STXBP4: variants seen among roughly 807,000 people sequenced by gnomAD.
The protein encoded by STXBP4 is syntaxin binding protein 4.
STXBP4 carries 55 observed loss-of-function variants against 76.1 expected under a neutral mutation model. The ratio of observed to expected loss-of-function variants is 0.72; its 90% CI spans 0.58 to 0.91. STXBP4 has a LOEUF of 0.91. Among genes scored for constraint, STXBP4 ranks in the 40% least tolerant of loss-of-function variants. STXBP4 has a pLI of 0.00. For missense variants in STXBP4, 618 were observed against 636.9 expected, an observed-to-expected ratio of 0.97 and a Z score of 0.32; for synonymous variants, 201 against 220.2, an observed-to-expected ratio of 0.91 and a Z score of 0.77.
chr17:55,074,158 A>G (rs1173286313), intron 13 of STXBP4, among the ~76,000 whole-genome samples: 1 of 152,240 alleles, frequency 6.6e-6, no homozygotes. Flanking sequence ...TGAATAATTT[A>G]TGACTATTTA....
intron 11 of STXBP4, chr17:55,044,658 A>G (rs2078759550): frequency 6.6e-6 from 1 of 152,104 alleles, no homozygotes; most frequent in African/African-American, 2.4e-5. Context: ...AAAAACAAAA[A>G]TAAATAAATA....
At chr17:55,200,851 T>A in the STXBP4 span, among the ~76,000 whole-genome samples, 1 of 152,234 alleles carries the variant, frequency 6.6e-6, no homozygotes, top group Non-Finnish European at 1.5e-5. Context: ...ATAGTGCATA[T>A]GTTAGAAACA....
chr17:55,142,097 C>T (rs1365220402), intron 17 of STXBP4, among the ~76,000 whole-genome samples: 2 of 152,152 alleles, frequency 1.3e-5, no homozygotes, highest in African/African-American at 2.4e-5. Flanking sequence ...TCAAAGTCTT[C>T]TGACCGCAAG....
Position 55,097,430 on chromosome 17 carries a change from A to G in STXBP4, c.1489+16247A>G, listed in dbSNP as rs1002089596. Reference sequence around the variant, plus strand: ...TGTAATCCCAGCACTTTGGGGGGCCAAGGCGGGCGGATCACGAGGTCAGGA... The same window carrying G: ...TGTAATCCCAGCACTTTGGGGGGCCGAGGCGGGCGGATCACGAGGTCAGGA... On this transcript the variant is annotated intron_variant, in intron 16 of 17. Transcript: ENST00000376352. Among the ~76,000 whole-genome samples the G allele has an allele frequency of 3.2e-4, 49 of 152,242 alleles. No homozygotes were observed. In the East Asian group the frequency reaches 3.7e-3, roughly 11 times the overall value.
At chr17:54,972,722 A>T (rs72628373) in intron 1 of STXBP4, among the ~76,000 whole-genome samples, 5 of 152,082 alleles carry the variant, frequency 3.3e-5, no homozygotes, top group Non-Finnish European at 7.3e-5. Flanking sequence ...AACTCTGAGC[A>T]CTAGAAGTGT....
intron 12 of STXBP4, among the ~76,000 whole-genome samples, chr17:55,065,466 T>G (rs1231272102): frequency 6.6e-6 from 1 of 152,182 alleles, no homozygotes; most frequent in Non-Finnish European, 1.5e-5. Flanking sequence ...AAGTCCCAAA[T>G]TTCAGATGAA....
intron 12 of STXBP4, among the ~76,000 whole-genome samples, chr17:55,050,538 T>A (rs1040465303): frequency 6.6e-6 from 1 of 152,114 alleles, no homozygotes; most frequent in African/African-American, 2.4e-5. Context: ...CCTAAACATT[T>A]AATAATAAGC....
chr17:55,097,299 A>G (rs1485047172), intron 16 of STXBP4, among the ~76,000 whole-genome samples: 2 of 152,240 alleles, frequency 1.3e-5, no homozygotes, highest in African/African-American at 4.8e-5. Context: ...TGCCCCATTT[A>G]TAAAATGGTA....
chr17:55,197,953 C>T, the STXBP4 span, among the ~76,000 whole-genome samples: 2 of 152,100 alleles, frequency 1.3e-5, no homozygotes, highest in Admixed American at 6.5e-5. Context: ...TTGGACAAAA[C>T]GCACAGCAAA....
At chr17:55,026,484 C>T (rs766464792) in intron 8 of STXBP4, among the ~76,000 whole-genome samples, 9 of 152,090 alleles carry the variant, frequency 5.9e-5, no homozygotes, top group African/African-American at 1.9e-4. Context: ...AATAAAACCC[C>T]GAAACCCTTT....
downstream of STXBP4, among the ~76,000 whole-genome samples, chr17:55,177,210 C>T (rs985410462): frequency 6.6e-6 from 1 of 151,806 alleles, no homozygotes; most frequent in African/African-American, 2.4e-5. Flanking sequence ...AGGGCAATGG[C>T]ATAATAAGAT....
intron 9 of STXBP4, 116 bp downstream of exon 9, chr17:55,031,380 C>T (rs2078507146): frequency 1.2e-6 from 1 of 843,658 alleles, no homozygotes; most frequent in South Asian, 1.7e-5. Context: ...AGTAAAACTA[C>T]ATCCATTTCA....
At chr17:55,130,882 C>G (rs534986473) in intron 16 of STXBP4, among the ~76,000 whole-genome samples, 16 of 152,184 alleles carry the variant, frequency 1.1e-4, no homozygotes, top group Non-Finnish European at 2.2e-4. Context: ...ATTCCATTGT[C>G]ATAATATCAC....
At chr17:55,193,198 A>C in the STXBP4 span, among the ~76,000 whole-genome samples, 1 of 152,286 alleles carries the variant, frequency 6.6e-6, no homozygotes, top group African/African-American at 2.4e-5. Context: ...CTGAGCAGGA[A>C]GTGAGCTTAG....
At chr17:55,181,589 G>A in the STXBP4 span, among the ~76,000 whole-genome samples, 1 of 152,166 alleles carries the variant, frequency 6.6e-6, no homozygotes, top group Non-Finnish European at 1.5e-5. Flanking sequence ...TAATTAAATA[G>A]CATCTGAAAT....
At chr17:55,115,818 G>A (rs190057296) in intron 16 of STXBP4, among the ~76,000 whole-genome samples, 11 of 151,960 alleles carry the variant, frequency 7.2e-5, no homozygotes, top group African/African-American at 2.4e-4. Context: ...TTATGATACA[G>A]CAATGTCATC....
At chr17:55,056,815 TG>T (rs1381308243) in intron 12 of STXBP4, among the ~76,000 whole-genome samples, 1 of 152,130 alleles carries the variant, frequency 6.6e-6, no homozygotes, top group Non-Finnish European at 1.5e-5. Flanking sequence ...CATTCCAGCC[TG>T]GGCAGCATGG....
At chr17:55,134,073 T>C (rs918494014) in intron 16 of STXBP4, among the ~76,000 whole-genome samples, 1 of 151,882 alleles carries the variant, frequency 6.6e-6, no homozygotes, top group Admixed American at 6.6e-5. Context: ...GGAGGGAACA[T>C]AGATGTTAGG....
chr17:55,102,155 C>G (rs1285158595), intron 16 of STXBP4, among the ~76,000 whole-genome samples: 1 of 150,586 alleles, frequency 6.6e-6, no homozygotes, highest in Non-Finnish European at 1.5e-5. Flanking sequence ...ACTTTAAGCT[C>G]TGGGATACAT....
Sources: gnomAD v4.1 joint callset for allele counts (sites outside exome capture counted in the v4.1 genomes callset) on GRCh38, gnomAD v4.1.1 for gene constraint, MANE v1.5 for transcripts, NCBI Gene and HGNC (gene_info 2026-07-23, HGNC 2026-07-21) for gene names.